Variants in MTUS1 observed in about 807,000 individuals in gnomAD.
MTUS1 encodes the protein microtubule-associated tumor suppressor 1.
In MTUS1, 109 loss-of-function variants were observed where a neutral mutation model predicts 120.8. The ratio of observed to expected loss-of-function variants is 0.90; its 90% CI spans 0.77 to 1.06. MTUS1 has a LOEUF of 1.06. Ranked by LOEUF, MTUS1 falls within the 50% of genes least tolerant of loss-of-function variation. The probability of loss-of-function intolerance (pLI) is 0.00; values close to 1 mark genes in which losing one functional copy is unlikely to be tolerated. For missense variants in MTUS1, 2,210 were observed against 1,486.3 expected (o/e 1.49, Z -8.01); for synonymous variants, 737 against 550.5 (o/e 1.34, Z -4.74).
At chr8:17,740,594 A>G (rs1317368385) in intron 3 of MTUS1, among the ~76,000 whole-genome samples, 1 of 152,244 alleles carries the variant, frequency 6.6e-6, no homozygotes, top group Non-Finnish European at 1.5e-5. Context: ...TACTGAGAGC[A>G]TCCAAAAAAA....
chr8:17,757,863 G>A (rs148623040), intron 1 of MTUS1, among the ~76,000 whole-genome samples: 3 of 152,052 alleles, frequency 2.0e-5, no homozygotes, highest in Admixed American at 6.6e-5. Context: ...TTATGCTTTT[G>A]GTCAAACTGC....
In MTUS1 at chr8:17,764,495, T is replaced by C. The variant is rs757685692; in HGVS notation, c.-154-8534A>G. ...TTATAATAATGCATCCCCTACACAC[T>C]GAACAATTTCCCTGTTCCTGTTTCA... On this transcript the variant is annotated intron_variant, in intron 1 of 14. Coordinates refer to ENST00000693296, the MANE Select transcript of MTUS1 (RefSeq NM_001363059.2). 3.9e-5 allele frequency among the ~76,000 whole-genome samples: 6 copies of C among 152,254 alleles called. No homozygotes were observed. The East Asian group carries it at 1.2e-3, about 29-fold the overall frequency.
chr8:17,703,583 C>T (rs890602115), intron 6 of MTUS1, among the ~76,000 whole-genome samples: 14 of 149,202 alleles, frequency 9.4e-5, no homozygotes, highest in Non-Finnish European at 1.9e-4. Context: ...GAGCCGAGAT[C>T]GCGCCACTGC....
In MTUS1 at chr8:17,658,893, A is replaced by G. The variant is rs1585464031; in HGVS notation, c.2906-2828T>C. Among the ~76,000 whole-genome samples, 3 of 152,160 alleles carry G rather than the reference A, an allele frequency of 2.0e-5. No homozygotes were observed. The East Asian group carries it at 5.8e-4, about 29-fold the overall frequency. On this transcript the variant is annotated intron_variant, in intron 8 of 14. Coordinates refer to ENST00000693296, the MANE Select transcript of MTUS1 (RefSeq NM_001363059.2). The stretch of plus-strand genomic sequence containing the variant: ...AGGCCACATTGAAATAATGGCAGGA[A>G]TAGTGTCTGCCAAAGAGAACCCTTA...
intron 6 of MTUS1, among the ~76,000 whole-genome samples, chr8:17,698,795 A>C (rs1818471086): frequency 6.6e-6 from 1 of 152,140 alleles, no homozygotes; most frequent in Admixed American, 6.5e-5. Context: ...GACAGACCCA[A>C]TAACCTGTCC....
At chr8:17,651,197 G>A (rs1477272542) in intron 12 of MTUS1, among the ~76,000 whole-genome samples, 1 of 151,988 alleles carries the variant, frequency 6.6e-6, no homozygotes, top group Non-Finnish European at 1.5e-5. Context: ...ATGGTGGGAG[G>A]TGGGGTGGGG....
chr8:17,724,140 T>C (rs1334323576), intron 3 of MTUS1: 6 of 511,092 alleles, frequency 1.2e-5, no homozygotes, highest in Non-Finnish European at 2.2e-5. Flanking sequence ...AGAATAATCA[T>C]GAGAAAGCAG....
intron 6 of MTUS1, among the ~76,000 whole-genome samples, chr8:17,696,462 G>C (rs1316232790): frequency 6.6e-6 from 1 of 152,074 alleles, no homozygotes; most frequent in Non-Finnish European, 1.5e-5. Context: ...ACGCTATTCA[G>C]CCCAAAACAA....
intron 8 of MTUS1, among the ~76,000 whole-genome samples, chr8:17,661,444 G>A (rs979345352): frequency 1.3e-5 from 2 of 152,146 alleles, no homozygotes; most frequent in African/African-American, 2.4e-5. Context: ...ACAAGAGACT[G>A]CCTCCAAGCC....
intron 2 of MTUS1, among the ~76,000 whole-genome samples, chr8:17,747,911 G>C (rs1206749300): frequency 6.6e-6 from 1 of 152,148 alleles, no homozygotes; most frequent in African/African-American, 2.4e-5. Flanking sequence ...GGCAAAGAGA[G>C]CTCATGCAAG....
At chr8:17,686,796 A>G (rs1230968915) in intron 6 of MTUS1, among the ~76,000 whole-genome samples, 1 of 152,210 alleles carries the variant, frequency 6.6e-6, no homozygotes, top group Non-Finnish European at 1.5e-5. Context: ...TGTACTAACA[A>G]TGTTTACTTT....
At chr8:17,725,720 T>A (rs781124516) in intron 3 of MTUS1, among the ~76,000 whole-genome samples, 3 of 152,192 alleles carry the variant, frequency 2.0e-5, no homozygotes, top group African/African-American at 4.8e-5. Context: ...CAGCACAGCT[T>A]TGAACGCTAA....
chr8:17,667,304 T>C (rs1467906815), intron 8 of MTUS1, among the ~76,000 whole-genome samples: 1 of 152,222 alleles, frequency 6.6e-6, no homozygotes, highest in Non-Finnish European at 1.5e-5. Flanking sequence ...GTTTTCAGTA[T>C]ATTAATAGAT....
intron 8 of MTUS1, among the ~76,000 whole-genome samples, chr8:17,674,109 C>T (rs35627095): frequency 0.61 from 93,178 of 151,922 alleles, 29,916 homozygotes; most frequent in East Asian, 0.82. Flanking sequence ...AACCCCAAAG[C>T]GGTCAGATCA....
intron 3 of MTUS1, among the ~76,000 whole-genome samples, chr8:17,730,485 T>TA (rs56305317): frequency 2.4e-3 from 292 of 122,774 alleles, no homozygotes; most frequent in East Asian, 0.014. Flanking sequence ...ACTCTGTCTT[T>TA]AAAAAAAAAA....
rs556673630 is a variant in MTUS1 at position 17,649,124 on chromosome 8, T to C, written c.3501+722A>G. Among the ~76,000 whole-genome samples the C allele has an allele frequency of 3.3e-5, 5 of 152,148 alleles. No individual in the cohort carries two copies. The East Asian group carries it at 9.7e-4, about 29-fold the overall frequency. On this transcript the variant is annotated intron_variant, in intron 13 of 14. Coordinates refer to ENST00000693296, the MANE Select transcript of MTUS1 (RefSeq NM_001363059.2). ...TTTTTTTTGAGATGGAGTCTTGCTA[T>C]GTCGCCCAGGCTGGAATGCACTGGT...
chr8:17,775,264 T>G (rs1037850756), intron 1 of MTUS1, among the ~76,000 whole-genome samples: 7 of 152,192 alleles, frequency 4.6e-5, no homozygotes, highest in Non-Finnish European at 1.0e-4. Flanking sequence ...ATATATATTT[T>G]ACCATAATTT....
chr8:17,719,015 C>T (rs1047455270), intron 4 of MTUS1, among the ~76,000 whole-genome samples: 1 of 151,926 alleles, frequency 6.6e-6, no homozygotes, highest in Non-Finnish European at 1.5e-5. Flanking sequence ...ACTGAAAATA[C>T]AAATATTAGC....
chr8:17,720,966 G>A (rs189365678), intron 4 of MTUS1, among the ~76,000 whole-genome samples: 23 of 152,210 alleles, frequency 1.5e-4, no homozygotes, highest in African/African-American at 3.4e-4. Context: ...ATTGCCTTAC[G>A]TATTTTGATT....
Sources: gnomAD v4.1 joint callset for allele counts (sites outside exome capture counted in the v4.1 genomes callset) on GRCh38, gnomAD v4.1.1 for gene constraint, MANE v1.5 for transcripts, NCBI Gene and HGNC (gene_info 2026-07-23, HGNC 2026-07-21) for gene names.